Variants in WWTR1 observed in about 807,000 individuals in gnomAD.
WWTR1 encodes WW domain containing transcription regulator 1.
WWTR1 carries 13 observed loss-of-function variants against 40.1 expected under a neutral mutation model. The ratio of observed to expected loss-of-function variants is 0.32; its 90% CI spans 0.21 to 0.52. WWTR1 has a LOEUF of 0.52. Among genes scored for constraint, WWTR1 ranks in the 20% least tolerant of loss-of-function variants. The probability of loss-of-function intolerance (pLI) is 0.97; values close to 1 mark genes in which losing one functional copy is unlikely to be tolerated. For missense variants in WWTR1, 436 were observed against 523.1 expected (o/e 0.83, Z 1.63); for synonymous variants, 230 against 210.1 (o/e 1.09, Z -0.82).
intron 2 of WWTR1, among the ~76,000 whole-genome samples, chr3:149,575,620 CAGA>C (rs1737843807): frequency 6.6e-6 from 1 of 152,194 alleles, no homozygotes; most frequent in African/African-American, 2.4e-5. Context: ...CTTCCGTGGT[CAGA>C]ATTTCAGCTA....
chr3:149,609,329 T>C (rs1739630495), intron 2 of WWTR1, among the ~76,000 whole-genome samples: 1 of 152,166 alleles, frequency 6.6e-6, no homozygotes, highest in Non-Finnish European at 1.5e-5. Context: ...TAATGTGTTA[T>C]CCACTACACC....
At chr3:149,535,367 G>A (rs1043461349) in intron 4 of WWTR1, among the ~76,000 whole-genome samples, 8 of 151,990 alleles carry the variant, frequency 5.3e-5, no homozygotes, top group African/African-American at 1.7e-4. Flanking sequence ...TCTTTACGGG[G>A]GACGGCGGGG....
At chr3:149,655,363 T>G (rs537119419) in intron 2 of WWTR1, among the ~76,000 whole-genome samples, 2 of 152,012 alleles carry the variant, frequency 1.3e-5, no homozygotes, top group African/African-American at 4.8e-5. Context: ...AAGAATTGCT[T>G]GAACCCAGGG....
chr3:149,695,792 A>C (rs1033498485), intron 1 of WWTR1, among the ~76,000 whole-genome samples: 2 of 135,280 alleles, frequency 1.5e-5, no homozygotes, highest in East Asian at 2.3e-4. Flanking sequence ...AGAAAAGAAA[A>C]AAATATATAT....
intron 3 of WWTR1, among the ~76,000 whole-genome samples, chr3:149,567,197 A>AC (rs1394772030): frequency 6.6e-6 from 1 of 152,072 alleles, no homozygotes; most frequent in Non-Finnish European, 1.5e-5. Flanking sequence ...AAAAGGCAAA[A>AC]AAAAAAAGAA....
chr3:149,689,631 C>T (rs1169326748), intron 1 of WWTR1, among the ~76,000 whole-genome samples: 2 of 151,956 alleles, frequency 1.3e-5, no homozygotes, highest in Non-Finnish European at 2.9e-5. Flanking sequence ...AAAACTATAT[C>T]CTGTGGAAAT....
intron 2 of WWTR1, among the ~76,000 whole-genome samples, chr3:149,615,705 T>C (rs931663191): frequency 9.2e-5 from 14 of 152,202 alleles, no homozygotes; most frequent in African/African-American, 3.4e-4. Flanking sequence ...GTTCAGTTGG[T>C]ATTATTGGTC....
intron 1 of WWTR1, chr3:149,702,257 T>C (rs1360494892): frequency 6.6e-6 from 1 of 152,280 alleles, no homozygotes. Flanking sequence ...TTCCTCTTGG[T>C]ATGTATGAAA....
At chr3:149,595,660 C>T (rs1002384462) in intron 2 of WWTR1, among the ~76,000 whole-genome samples, 1 of 152,058 alleles carries the variant, frequency 6.6e-6, no homozygotes, top group Non-Finnish European at 1.5e-5. Flanking sequence ...CAATAAAATC[C>T]TTCCTACTTG....
intron 4 of WWTR1, among the ~76,000 whole-genome samples, chr3:149,536,788 G>A (rs542715287): frequency 4.7e-4 from 72 of 152,130 alleles, no homozygotes; most frequent in African/African-American, 1.6e-3. Flanking sequence ...AAAAGGTTGA[G>A]GGTAAAAGCA....
intron 2 of WWTR1, among the ~76,000 whole-genome samples, chr3:149,577,928 A>C: frequency 6.6e-6 from 1 of 151,094 alleles, no homozygotes; most frequent in Non-Finnish European, 1.5e-5. Flanking sequence ...CTCCTTCATG[A>C]CCTTTCACCT....
intron 2 of WWTR1, among the ~76,000 whole-genome samples, chr3:149,608,640 T>C (rs1193048204): frequency 6.6e-6 from 1 of 152,056 alleles, no homozygotes; most frequent in Non-Finnish European, 1.5e-5. Flanking sequence ...CCGCCTGCCT[T>C]GGCCTCCCAA....
At chr3:149,657,687 G>C (rs1161235559) in intron 1 of WWTR1, 78 bp downstream of exon 1, 1 of 184,876 alleles carries the variant, frequency 5.4e-6, no homozygotes, top group Non-Finnish European at 1.1e-5. Context: ...ACTCCACCAC[G>C]TCTCGACTCC....
rs552320856 is a variant in WWTR1, at chr3:149,582,588, G to A, written c.432-9588C>T. On this transcript the variant is annotated intron_variant, in intron 2 of 6. Coordinates refer to ENST00000360632, the MANE Select transcript of WWTR1 (RefSeq NM_015472.6). ...AAAAAAAAAAATCAAAATATGAGTCGGGCGTGGTGGTATATGCCTGTGGTC... is the reference window on the plus strand; with the variant it reads ...AAAAAAAAAAATCAAAATATGAGTCAGGCGTGGTGGTATATGCCTGTGGTC... 2.6e-5 allele frequency among the ~76,000 whole-genome samples: 4 copies of A among 151,840 alleles called. No individual in the cohort carries two copies. In the South Asian group the frequency reaches 6.3e-4, roughly 24 times the overall value.
chr3:149,687,964 G>A (rs1451128452), intron 1 of WWTR1, among the ~76,000 whole-genome samples: 1 of 151,956 alleles, frequency 6.6e-6, no homozygotes, highest in Non-Finnish European at 1.5e-5. Context: ...TAGCCAGGCA[G>A]TTGTTGCCAT....
chr3:149,671,777 A>C (rs768944806), intron 1 of WWTR1, among the ~76,000 whole-genome samples: 1 of 152,006 alleles, frequency 6.6e-6, no homozygotes, highest in East Asian at 1.9e-4. Flanking sequence ...TTAATGTACT[A>C]TATTATTATG....
chr3:149,539,198 C>A (rs147499978), intron 4 of WWTR1, among the ~76,000 whole-genome samples: 1 of 151,960 alleles, frequency 6.6e-6, no homozygotes, highest in African/African-American at 2.4e-5. Context: ...AGTGGAACAA[C>A]GGCATAGCAG....
chr3:149,561,700 T>C (rs1170557896), intron 3 of WWTR1, among the ~76,000 whole-genome samples: 1 of 152,192 alleles, frequency 6.6e-6, no homozygotes, highest in Admixed American at 6.5e-5. Flanking sequence ...AGTGGAACAT[T>C]ACATATTGCT....
chr3:149,651,955 G>A (rs1371137937), intron 2 of WWTR1, among the ~76,000 whole-genome samples: 1 of 146,142 alleles, frequency 6.8e-6, no homozygotes, highest in East Asian at 2.0e-4. Flanking sequence ...TCAGCCTCCT[G>A]AGTAGGACTA....
Sources: gnomAD v4.1 joint callset for allele counts (sites outside exome capture counted in the v4.1 genomes callset) on GRCh38, gnomAD v4.1.1 for gene constraint, MANE v1.5 for transcripts, NCBI Gene and HGNC (gene_info 2026-07-23, HGNC 2026-07-21) for gene names.